SLC24A2: variants seen among roughly 807,000 people sequenced by gnomAD.
The protein encoded by SLC24A2 is solute carrier family 24 member 2.
A neutral mutation model predicts 62.0 loss-of-function variants in SLC24A2; 36 were observed. The observed-to-expected ratio is 0.58, with a 90% CI of 0.44 to 0.77. The LOEUF (loss-of-function observed/expected upper bound fraction) is 0.77, where lower values mean the gene tolerates loss of function less well. Among genes scored for constraint, SLC24A2 ranks in the 30% least tolerant of loss-of-function variants. SLC24A2 has a pLI of 0.00. For missense variants in SLC24A2, 846 were observed against 817.9 expected, an observed-to-expected ratio of 1.03 and a Z score of -0.42; for synonymous variants, 358 against 294.0, an observed-to-expected ratio of 1.22 and a Z score of -2.23.
At chr9:19,916,846 T>C in the SLC24A2 span, among the ~76,000 whole-genome samples, 2 of 151,912 alleles carry the variant, frequency 1.3e-5, no homozygotes, top group African/African-American at 2.4e-5. Context: ...TTAGGATAGA[T>C]GCTATAAGTA....
At chr9:19,700,821 C>A (rs1248606395) in intron 2 of SLC24A2, among the ~76,000 whole-genome samples, 2 of 152,240 alleles carry the variant, frequency 1.3e-5, no homozygotes, top group East Asian at 3.9e-4. Flanking sequence ...ATTTTGTTTC[C>A]TTTAATTAAC....
chr9:20,148,179 G>T, the SLC24A2 span, among the ~76,000 whole-genome samples: 2 of 151,668 alleles, frequency 1.3e-5, no homozygotes, highest in Non-Finnish European at 2.9e-5. Context: ...AAGGGGAAAG[G>T]GTAGCCACTT....
the SLC24A2 span, among the ~76,000 whole-genome samples, chr9:20,232,644 T>C: frequency 1.3e-5 from 2 of 152,124 alleles, no homozygotes; most frequent in African/African-American, 4.8e-5. Flanking sequence ...TTATTAGTCT[T>C]GCTAGCGGTC....
At chr9:20,033,276 C>T in the SLC24A2 span, among the ~76,000 whole-genome samples, 1 of 152,184 alleles carries the variant, frequency 6.6e-6, no homozygotes, top group Non-Finnish European at 1.5e-5. Context: ...CAAATTCAAG[C>T]TTCTCCACTT....
the SLC24A2 span, among the ~76,000 whole-genome samples, chr9:19,910,847 T>C: frequency 1.3e-5 from 2 of 152,036 alleles, no homozygotes; most frequent in South Asian, 2.1e-4. Context: ...CGTTATTTTA[T>C]AGCTCTCTGT....
the SLC24A2 span, among the ~76,000 whole-genome samples, chr9:19,931,794 G>C: frequency 1.9e-4 from 29 of 152,012 alleles, no homozygotes; most frequent in Admixed American, 6.6e-5. Context: ...GAATAATTAT[G>C]TTCTTTAAAC....
chr9:19,878,047 T>C, the SLC24A2 span, among the ~76,000 whole-genome samples: 14 of 152,176 alleles, frequency 9.2e-5, no homozygotes, highest in African/African-American at 3.4e-4. Flanking sequence ...AGCAGACCTG[T>C]TACCACCCTG....
At chr9:20,215,387 G>T in the SLC24A2 span, among the ~76,000 whole-genome samples, 13 of 152,078 alleles carry the variant, frequency 8.5e-5, no homozygotes, top group Non-Finnish European at 1.8e-4. Flanking sequence ...CGAGAACTAT[G>T]TTATAAAACA....
At chr9:19,750,268 A>G (rs1469845036) in intron 2 of SLC24A2, among the ~76,000 whole-genome samples, 4 of 152,028 alleles carry the variant, frequency 2.6e-5, no homozygotes, top group African/African-American at 7.2e-5. Context: ...CCAGTTGCCT[A>G]ATGAACACTT....
chr9:20,217,658 T>A, the SLC24A2 span, among the ~76,000 whole-genome samples: 1 of 152,130 alleles, frequency 6.6e-6, no homozygotes, highest in Admixed American at 6.5e-5. Context: ...GGTTAAAGCC[T>A]GAAACTGCAC....
the SLC24A2 span, among the ~76,000 whole-genome samples, chr9:20,073,919 GAT>G: frequency 0.18 from 25,527 of 140,462 alleles, 3,360 homozygotes; most frequent in East Asian, 0.64. Context: ...CTTGTGGGGA[GAT>G]ATATATATAT....
the SLC24A2 span, among the ~76,000 whole-genome samples, chr9:19,801,256 C>T: frequency 6.6e-6 from 1 of 152,198 alleles, no homozygotes; most frequent in South Asian, 2.1e-4. Context: ...AACCCAGTGA[C>T]TAGTGTTCAG....
intron 2 of SLC24A2, among the ~76,000 whole-genome samples, chr9:19,677,576 CTTAAAG>C (rs964156554): frequency 5.9e-5 from 9 of 152,104 alleles, no homozygotes; most frequent in African/African-American, 2.2e-4. Context: ...TACCCCTGAC[CTTAAAG>C]TTAAAAAGTT....
chr9:20,048,192 A>G, the SLC24A2 span, among the ~76,000 whole-genome samples: 20 of 152,360 alleles, frequency 1.3e-4, no homozygotes, highest in African/African-American at 3.1e-4. Flanking sequence ...TATGAGTGTC[A>G]CTGTTACATC....
the SLC24A2 span, among the ~76,000 whole-genome samples, chr9:20,234,097 C>T: frequency 6.6e-6 from 1 of 152,226 alleles, no homozygotes; most frequent in African/African-American, 2.4e-5. Context: ...AAGAGATCAG[C>T]TGTTAGTCTG....
chr9:20,205,251 C>A, the SLC24A2 span, among the ~76,000 whole-genome samples: 2 of 151,806 alleles, frequency 1.3e-5, no homozygotes, highest in Admixed American at 1.3e-4. Flanking sequence ...GGTTTTTTTT[C>A]CTGGATGTCT....
chr9:19,786,578 A>G lies in SLC24A2; in HGVS notation c.289T>C (p.Tyr97His), dbSNP rs1399079750. 2.5e-6 allele frequency: 4 copies of G among 1,614,204 alleles called. No homozygotes were observed. Among genetic ancestry groups the G allele is most frequent in the Admixed American group, 1.7e-5 (1 of 60,026 alleles). ...TTAGAAAGAGGTGGCTGTGGAGTAT[A>G]ATCCAGAATCTTGTCATTTAAATCT... ...LLDLNDKILDYTPQPPLSKEG... is the reference protein window; with the variant it reads ...LLDLNDKILDHTPQPPLSKEG... The change falls in exon 2 of 11, where the codon TAT (tyrosine) becomes CAT (histidine). Residue 97 changes from tyrosine (Y) to histidine (H), a missense_variant. Tyr to His is a moderately conservative substitution (Grantham distance 83). Coordinates refer to ENST00000341998, the MANE Select transcript of SLC24A2 (RefSeq NM_020344.4). This position sits in a 1 kb window ranked among gnomAD's most constrained non-coding sequence, Gnocchi z 5.0.
At chr9:20,233,064 A>G in the SLC24A2 span, among the ~76,000 whole-genome samples, 1 of 152,008 alleles carries the variant, frequency 6.6e-6, no homozygotes, top group South Asian at 2.1e-4. Flanking sequence ...CCTGAGTTCT[A>G]GTTTGATTGC....
the SLC24A2 span, among the ~76,000 whole-genome samples, chr9:19,852,487 A>AT: frequency 6.6e-6 from 1 of 152,046 alleles, no homozygotes; most frequent in Non-Finnish European, 1.5e-5. Context: ...ATCTTGAGTT[A>AT]TTTTTTATAT....
Sources: gnomAD v4.1 joint callset for allele counts (sites outside exome capture counted in the v4.1 genomes callset) on GRCh38, gnomAD v4.1.1 for gene constraint, Gnocchi (gnomAD v3.1) non-coding constraint, MANE v1.5 for transcripts, NCBI Gene and HGNC (gene_info 2026-07-23, HGNC 2026-07-21) for gene names.